The following WWC1 variants were observed in gnomAD, a reference collection of about 807,000 sequenced individuals.
The protein encoded by WWC1 is WW and C2 domain containing 1.
WWC1 carries 55 observed loss-of-function variants against 138.4 expected under a neutral mutation model. That is an observed-to-expected ratio of 0.40 (90% CI 0.32 to 0.50). WWC1 has a LOEUF of 0.50. WWC1 is among the 20% of genes least tolerant of loss of function. The pLI is 0.72. For missense variants in WWC1, 1,226 were observed against 1,420.4 expected (o/e 0.86, Z 2.20); for synonymous variants, 524 against 564.9 (o/e 0.93, Z 1.03).
intron 7 of WWC1, 64 bp from the exon 8 acceptor site, chr5:168,409,858 C>T (rs1780089777): frequency 1.9e-6 from 3 of 1,571,720 alleles, no homozygotes; most frequent in Middle Eastern, 1.7e-4. Context: ...CATGAGCCCT[C>T]GAAACCCAAC....
intron 1 of WWC1, among the ~76,000 whole-genome samples, chr5:168,341,339 A>G (rs565723883): frequency 7.2e-5 from 11 of 152,258 alleles, no homozygotes; most frequent in African/African-American, 2.4e-4. Flanking sequence ...AAAGGATGCA[A>G]GACTCGAGGG....
At chr5:168,456,784 A>G (rs976853993) in intron 19 of WWC1, among the ~76,000 whole-genome samples, 4 of 148,938 alleles carry the variant, frequency 2.7e-5, no homozygotes, top group African/African-American at 1.0e-4. Flanking sequence ...CATCAGAAAA[A>G]TCCCACCAAA....
At chr5:168,320,097 C>T (rs1771937827) in intron 1 of WWC1, among the ~76,000 whole-genome samples, 1 of 151,036 alleles carries the variant, frequency 6.6e-6, no homozygotes, top group Non-Finnish European at 1.5e-5. Context: ...TGCACTAGCA[C>T]GATCTCAGCT....
chr5:168,336,916 A>G (rs928302134), intron 1 of WWC1, among the ~76,000 whole-genome samples: 3 of 152,192 alleles, frequency 2.0e-5, no homozygotes, highest in Non-Finnish European at 4.4e-5. Context: ...CGCCGACTTC[A>G]GATCCTGCTT....
intron 3 of WWC1, among the ~76,000 whole-genome samples, chr5:168,397,147 CTTT>C (rs551091855): frequency 6.3e-5 from 9 of 143,458 alleles, no homozygotes; most frequent in Non-Finnish European, 1.5e-5. Flanking sequence ...TTAAATTATT[CTTT>C]TTTTTTTTTT....
At chr5:168,444,659 C>T in intron 17 of WWC1, 74 bp downstream of exon 17, 1 of 1,501,606 alleles carries the variant, frequency 6.7e-7, no homozygotes. Context: ...TCCCCCAATG[C>T]CAGTGCAACT....
At chr5:168,338,176 T>C (rs1240554968) in intron 1 of WWC1, among the ~76,000 whole-genome samples, 1 of 151,374 alleles carries the variant, frequency 6.6e-6, no homozygotes, top group Non-Finnish European at 1.5e-5. Flanking sequence ...CCGGGCGTGG[T>C]GGCACGCACC....
chr5:168,321,816 C>A (rs548391261), intron 1 of WWC1, among the ~76,000 whole-genome samples: 5 of 152,214 alleles, frequency 3.3e-5, no homozygotes, highest in African/African-American at 1.2e-4. Flanking sequence ...GGATTACAGG[C>A]GTGAGCCACG....
intron 5 of WWC1, among the ~76,000 whole-genome samples, chr5:168,401,762 C>T (rs1168975500): frequency 6.6e-6 from 1 of 152,132 alleles, no homozygotes; most frequent in Non-Finnish European, 1.5e-5. Context: ...CCAATCTTGT[C>T]TCTCAAACCG....
chr5:168,431,092 G>C (rs901359057), intron 14 of WWC1, among the ~76,000 whole-genome samples, 160 bp from the exon 15 acceptor site: 1 of 152,226 alleles, frequency 6.6e-6, no homozygotes, highest in East Asian at 1.9e-4. Flanking sequence ...ATTTGTCAAA[G>C]TTCCTTCCAG....
intron 7 of WWC1, 62 bp downstream of exon 7, chr5:168,408,715 A>AGG (rs1780001390): frequency 1.3e-6 from 2 of 1,593,378 alleles, no homozygotes; most frequent in Admixed American, 1.7e-5. Flanking sequence ...AGGCTGCTGT[A>AGG]ATGGACAGCT....
intron 8 of WWC1, among the ~76,000 whole-genome samples, chr5:168,413,323 G>T (rs151223943): frequency 2.0e-5 from 3 of 152,198 alleles, no homozygotes; most frequent in Non-Finnish European, 4.4e-5. Flanking sequence ...CATGATTGTT[G>T]TTAGCTATTT....
intron 1 of WWC1, among the ~76,000 whole-genome samples, chr5:168,308,642 C>T (rs374016305): frequency 2.8e-4 from 42 of 152,266 alleles, no homozygotes; most frequent in Middle Eastern, 6.8e-3. Context: ...AGGCCCTACC[C>T]CAGTCAGAAT....
intron 4 of WWC1, among the ~76,000 whole-genome samples, chr5:168,398,565 C>T (rs1235691395): frequency 6.6e-6 from 1 of 152,174 alleles, no homozygotes; most frequent in Non-Finnish European, 1.5e-5. Flanking sequence ...TCATGATTAC[C>T]TTAGGGCATA....
chr5:168,339,999 TTC>T (rs1186296183), intron 1 of WWC1, among the ~76,000 whole-genome samples: 1 of 103,672 alleles, frequency 9.6e-6, no homozygotes, highest in Non-Finnish European at 2.4e-5. Flanking sequence ...CTCTCTCTCT[TTC>T]TCTCTTTCTT....
chr5:168,332,768 G>C (rs1307699319), intron 1 of WWC1, among the ~76,000 whole-genome samples: 1 of 151,926 alleles, frequency 6.6e-6, no homozygotes, highest in Non-Finnish European at 1.5e-5. Context: ...GAGTGCAGTG[G>C]CACAATCTCA....
intron 9 of WWC1, among the ~76,000 whole-genome samples, chr5:168,416,845 A>G (rs1582221615): frequency 6.6e-6 from 1 of 152,126 alleles, no homozygotes; most frequent in South Asian, 2.1e-4. Context: ...AATGAAACCA[A>G]TTTTTTTCCA....
chr5:168,365,981 G>T (rs776712219), intron 1 of WWC1, among the ~76,000 whole-genome samples: 1 of 152,218 alleles, frequency 6.6e-6, no homozygotes, highest in African/African-American at 2.4e-5. Context: ...CTTCACCCGA[G>T]GGTGGGGGCT....
chr5:168,444,696 G>A, intron 17 of WWC1, 111 bp downstream of exon 17: 1 of 1,159,664 alleles, frequency 8.6e-7, no homozygotes, highest in Non-Finnish European at 1.3e-6. Flanking sequence ...TGGGAAGGCT[G>A]AGAACCCCTC....
Sources: gnomAD v4.1 joint callset for allele counts (sites outside exome capture counted in the v4.1 genomes callset) on GRCh38, gnomAD v4.1.1 for gene constraint, MANE v1.5 for transcripts, NCBI Gene and HGNC (gene_info 2026-07-23, HGNC 2026-07-21) for gene names.